GFPT2: variants seen among roughly 807,000 people sequenced by gnomAD.
GFPT2 encodes glutamine--fructose-6-phosphate aminotransferase [isomerizing] 2.
GFPT2 carries 62 observed loss-of-function variants against 85.6 expected under a neutral mutation model. The ratio of observed to expected loss-of-function variants is 0.72; its 90% CI spans 0.59 to 0.90. GFPT2 has a LOEUF of 0.90. GFPT2 is among the 40% of genes least tolerant of loss of function. The pLI is 0.00. For missense variants in GFPT2, 788 were observed against 893.4 expected, an observed-to-expected ratio of 0.88 and a Z score of 1.50; for synonymous variants, 368 against 344.5, an observed-to-expected ratio of 1.07 and a Z score of -0.75.
At chr5:180,316,679 G>A (rs1347305679) in intron 12 of GFPT2, 85 bp downstream of exon 12, 3 of 1,029,912 alleles carry the variant, frequency 2.9e-6, no homozygotes, top group African/African-American at 1.6e-5. Context: ...GCCAAATTCA[G>A]AAGGCCACAT....
intron 4 of GFPT2, among the ~76,000 whole-genome samples, chr5:180,332,192 G>C (rs1343173928): frequency 6.6e-6 from 1 of 151,150 alleles, no homozygotes; most frequent in South Asian, 2.1e-4. Flanking sequence ...TCACGCGGGC[G>C]GCTTCCTGCA....
chr5:180,338,735 T>C (rs1764451745), intron 1 of GFPT2, 135 bp from the exon 2 acceptor site: 2 of 588,902 alleles, frequency 3.4e-6, no homozygotes, highest in East Asian at 5.8e-5. Context: ...TGCCCCTCCC[T>C]GAGCACAGCT....
At chr5:180,319,421 G>A (rs1764076969) in intron 9 of GFPT2, among the ~76,000 whole-genome samples, 1 of 152,170 alleles carries the variant, frequency 6.6e-6, no homozygotes, top group South Asian at 2.1e-4. Context: ...TGAAGGGAAA[G>A]AATAAAGCAT....
chr5:180,321,217 C>T (rs941900093), intron 9 of GFPT2, among the ~76,000 whole-genome samples: 8 of 151,560 alleles, frequency 5.3e-5, no homozygotes, highest in African/African-American at 1.9e-4. Context: ...CATGGAGTGA[C>T]AAGAAGTAAA....
chr5:180,336,440 G>A (rs748532527), intron 3 of GFPT2, 39 bp downstream of exon 3: 23 of 1,104,584 alleles, frequency 2.1e-5, no homozygotes, highest in South Asian at 4.9e-5. Flanking sequence ...AGCGGCCGGC[G>A]CTGCAGCGGC....
At position 180,335,959 on chromosome 5, in the gene GFPT2, T is replaced by C. The variant is rs1389878914; in HGVS notation, c.215-6A>G. 21 of 1,560,140 alleles carry C rather than the reference T, an allele frequency of 1.3e-5. No homozygotes were observed. Among genetic ancestry groups the C allele is most frequent in the Non-Finnish European group, 1.7e-5 (20 of 1,158,668 alleles). ...TAAGTCCATGCTGTCTTGTTCTAAA[T>C]GAAAGGAAAATCAGTTTGCCGCACT... On this transcript the variant is annotated splice_polypyrimidine_tract_variant and splice_region_variant and intron_variant, in intron 3 of 18. Coordinates refer to ENST00000253778, the MANE Select transcript of GFPT2 (RefSeq NM_005110.4).
At chr5:180,302,624 G>GA (rs1291352594) in intron 17 of GFPT2, 40 bp from the exon 18 acceptor site, 11 of 1,537,818 alleles carry the variant, frequency 7.2e-6, no homozygotes, top group Non-Finnish European at 9.9e-6. Context: ...GACCCTCTCT[G>GA]AAAGAAGCTA....
chr5:180,320,029 G>A (rs1764088034), intron 9 of GFPT2, among the ~76,000 whole-genome samples: 1 of 152,106 alleles, frequency 6.6e-6, no homozygotes, highest in African/African-American at 2.4e-5. Context: ...GTCTCGCTCT[G>A]TCGCCCAGGC....
chr5:180,314,093 A>ATTTC (rs1763956511), intron 13 of GFPT2, 129 bp from the exon 14 acceptor site: 1 of 839,630 alleles, frequency 1.2e-6, no homozygotes, highest in African/African-American at 1.8e-5. Flanking sequence ...GTGTTCAGAA[A>ATTTC]GGAAAACGCT....
At position 180,324,892 on chromosome 5, in the gene GFPT2, T is replaced by C; in HGVS notation, c.600A>G (p.Arg200=). ...GGACTCCGATGAGCAGGGGGCTGCC[T>C]CTCCTGTAGGGAGAAAGAGGCATCC... ...HYPGEAVATR[R]GSPLLIGVRS... The change falls in exon 8 of 19, where the codon AGA becomes AGG. Residue 200 remains arginine (R), a synonymous_variant. Coordinates refer to ENST00000253778, the MANE Select transcript of GFPT2 (RefSeq NM_005110.4). The C allele has an allele frequency of 6.2e-7, 1 of 1,605,282 alleles. No homozygotes were observed. The highest frequency in any genetic ancestry group is 8.5e-7 in the Non-Finnish European group (1 of 1,172,090).
At chr5:180,325,912 C>T (rs1764203523) in intron 7 of GFPT2, among the ~76,000 whole-genome samples, 1 of 152,154 alleles carries the variant, frequency 6.6e-6, no homozygotes, top group African/African-American at 2.4e-5. Context: ...GTAATCCCAG[C>T]TACTCTGGAG....
At chr5:180,334,068 G>A (rs144182506) in intron 4 of GFPT2, among the ~76,000 whole-genome samples, 16 of 152,350 alleles carry the variant, frequency 1.1e-4, no homozygotes, top group Admixed American at 2.0e-4. Flanking sequence ...TAGGTCCTCA[G>A]CACCATGGGG....
chr5:180,341,160 A>T (rs1205142365), intron 1 of GFPT2, among the ~76,000 whole-genome samples: 1 of 152,160 alleles, frequency 6.6e-6, no homozygotes, highest in Non-Finnish European at 1.5e-5. Flanking sequence ...CTCAGGACTT[A>T]AACACTCCTA....
chr5:180,347,900 T>C (rs2127658531), intron 1 of GFPT2, among the ~76,000 whole-genome samples: 1 of 152,300 alleles, frequency 6.6e-6, no homozygotes, highest in African/African-American at 2.4e-5. Flanking sequence ...GCCCACGTTC[T>C]GATTCTGGTG....
In GFPT2 at chr5:180,330,789, T is replaced by C. The variant is rs748287203; in HGVS notation, c.445A>G (p.Ile149Val). 5.0e-6 allele frequency: 8 copies of C among 1,613,360 alleles called. No individual in the cohort carries two copies. The highest frequency in any genetic ancestry group is 6.8e-6 in the Non-Finnish European group (8 of 1,179,270). The change falls in exon 6 of 19, where the codon ATC becomes GTC. Residue 149 changes from isoleucine (I) to valine (V), a missense_variant. Coordinates refer to ENST00000253778, the MANE Select transcript of GFPT2 (RefSeq NM_005110.4). The surrounding 1 kb of genome is among the most constrained non-coding windows in gnomAD (Gnocchi z 4.4). ...AACACATATTTAATCAGCTTGGCGA[T>C]GGTCTCTGTATCTGTTTCTGACTCA... ...EFESETDTET[I>V]AKLIKYVFDN...
At position 180,318,518 on chromosome 5, in the gene GFPT2, G is replaced by A; in HGVS notation, c.958+275C>T. On this transcript the variant is annotated intron_variant, in intron 10 of 18. Transcript: ENST00000253778. This position sits in a 1 kb window ranked among gnomAD's most constrained non-coding sequence, Gnocchi z 4.2. ...CCTGAGGGTGGGCATGTGTCCCGCG[G>A]AGTCGGTGAAGGAAGGCAGCTGACA... The A allele has an allele frequency of 4.5e-6, 2 of 445,226 alleles. No individual in the cohort carries two copies. Among genetic ancestry groups the A allele is most frequent in the Non-Finnish European group, 8.3e-6 (2 of 242,034 alleles). 27.6% of individuals were successfully genotyped at this position (445,226 alleles called of 1,614,324 possible). A position where few individuals can be genotyped will look rare whatever the true frequency, so the allele number is the denominator to read the frequency against.
chr5:180,300,957 C>T lies in GFPT2; in HGVS notation c.*607G>A, dbSNP rs7725. ...ATGTTGAAGGAGGCTGAGATTTCAA[C>T]TGGACTTATAGGAGGCATAGGTGGA... On this transcript the variant is annotated 3_prime_UTR_variant, in exon 19 of 19. Coordinates refer to ENST00000253778, the MANE Select transcript of GFPT2 (RefSeq NM_005110.4). The T allele has an allele frequency of 0.17, 26,253 of 152,656 alleles. 2,453 individuals carry two copies. The highest frequency in any genetic ancestry group is 0.34 in the East Asian group (1,772 of 5,166). 9.5% of individuals were successfully genotyped at this position (152,656 alleles called of 1,614,324 possible).
In GFPT2 at chr5:180,331,608, T is replaced by A. The variant is rs115152588; in HGVS notation, c.341-55A>T. On this transcript the variant is annotated intron_variant, in intron 4 of 18. Coordinates refer to ENST00000253778, the MANE Select transcript of GFPT2 (RefSeq NM_005110.4). ...TTGAGAAGGAGGTTCATGTCAGATG[T>A]GAAGAGAGATGATTTCAAGGCTTGA... 3,982 of 997,782 alleles carry A rather than the reference T, an allele frequency of 4.0e-3. 102 individuals are homozygous for A. The African/African-American group carries it at 0.053, about 13-fold the overall frequency. 61.8% of individuals were successfully genotyped at this position (997,782 alleles called of 1,614,324 possible).
chr5:180,335,958 A>G lies in GFPT2; in HGVS notation c.215-5T>C. 6.4e-7 allele frequency: 1 copy of G among 1,560,582 alleles called. No homozygotes were observed. The highest frequency in any genetic ancestry group is 8.6e-7 in the Non-Finnish European group (1 of 1,158,766). On this transcript the variant is annotated splice_polypyrimidine_tract_variant and splice_region_variant and intron_variant, in intron 3 of 18. Transcript: ENST00000253778. ...TTAAGTCCATGCTGTCTTGTTCTAA[A>G]TGAAAGGAAAATCAGTTTGCCGCAC...
Sources: gnomAD v4.1 joint callset for allele counts (sites outside exome capture counted in the v4.1 genomes callset) on GRCh38, gnomAD v4.1.1 for gene constraint, Gnocchi (gnomAD v3.1) non-coding constraint, MANE v1.5 for transcripts, NCBI Gene and HGNC (gene_info 2026-07-23, HGNC 2026-07-21) for gene names.